The following PTPRM variants were observed in gnomAD, a reference collection of about 807,000 sequenced individuals.
PTPRM encodes the protein receptor-type tyrosine-protein phosphatase mu.
In PTPRM, 47 loss-of-function variants were observed where a neutral mutation model predicts 186.7. That is an observed-to-expected ratio of 0.25 (90% confidence interval 0.20 to 0.32). The LOEUF (loss-of-function observed/expected upper bound fraction) is 0.32, where lower values mean the gene tolerates loss of function less well. PTPRM is among the 10% of genes least tolerant of loss of function. The pLI is 1.00. For synonymous variants in PTPRM, 668 were observed against 674.9 expected, an observed-to-expected ratio of 0.99 and a Z score of 0.16; for missense variants, 1,494 against 1,865.0, an observed-to-expected ratio of 0.80 and a Z score of 3.66.
At position 8,076,454 on chromosome 18, in the gene PTPRM, G is replaced by A; in HGVS notation, c.1442-1G>A. The A allele has an allele frequency of 6.4e-7, 1 of 1,564,722 alleles. No homozygotes were observed. The highest frequency in any genetic ancestry group is 8.8e-7 in the Non-Finnish European group (1 of 1,140,092). On this transcript the variant is annotated splice_acceptor_variant, in intron 8 of 32. Coordinates refer to ENST00000580170, the MANE Select transcript of PTPRM (RefSeq NM_001105244.2). LOFTEE classifies it high-confidence loss of function. ...ATTTATTTCCTCCCACCCTCCTTTAGTCCCAGGTGCTGTTCCCACTGAATC... is the reference window on the plus strand; with the variant it reads ...ATTTATTTCCTCCCACCCTCCTTTAATCCCAGGTGCTGTTCCCACTGAATC...
chr18:7,944,451 A>G (rs1245999211), intron 5 of PTPRM, among the ~76,000 whole-genome samples: 3 of 152,222 alleles, frequency 2.0e-5, no homozygotes, highest in African/African-American at 7.2e-5. Flanking sequence ...CTGTACACAC[A>G]GAGGTGTTTG....
intron 8 of PTPRM, 82 bp downstream of exon 8, chr18:8,070,076 A>G: frequency 7.8e-7 from 1 of 1,284,404 alleles, no homozygotes. Flanking sequence ...TGCTGTGCAG[A>G]TGGAAGAAAG....
At chr18:8,019,675 G>A (rs1332295361) in intron 7 of PTPRM, among the ~76,000 whole-genome samples, 1 of 150,678 alleles carries the variant, frequency 6.6e-6, no homozygotes, top group Non-Finnish European at 1.5e-5. Context: ...AATTAAACAA[G>A]GAGGATTAGG....
chr18:8,294,278 C>CA (rs969249333), intron 19 of PTPRM, among the ~76,000 whole-genome samples: 1 of 152,060 alleles, frequency 6.6e-6, no homozygotes, highest in Admixed American at 6.6e-5. Context: ...AAGAAATACC[C>CA]AAAACCAGGT....
intron 19 of PTPRM, among the ~76,000 whole-genome samples, chr18:8,294,336 G>A (rs751199376): frequency 1.3e-5 from 2 of 152,178 alleles, no homozygotes; most frequent in African/African-American, 4.8e-5. Flanking sequence ...CCACAGGGCT[G>A]GGGAAGCCTC....
chr18:8,391,349 A>T (rs1388494653), intron 31 of PTPRM, among the ~76,000 whole-genome samples: 1 of 152,218 alleles, frequency 6.6e-6, no homozygotes, highest in Admixed American at 6.5e-5. Context: ...CAGCCCAAAC[A>T]TTCATCAGCT....
intron 7 of PTPRM, among the ~76,000 whole-genome samples, chr18:8,003,913 G>A (rs1436026786): frequency 6.6e-6 from 1 of 152,142 alleles, no homozygotes; most frequent in Non-Finnish European, 1.5e-5. Flanking sequence ...TCCTTTTCTT[G>A]GCCATAGAAG....
chr18:7,817,717 C>G (rs891919150), intron 2 of PTPRM, among the ~76,000 whole-genome samples: 1 of 152,148 alleles, frequency 6.6e-6, no homozygotes, highest in Non-Finnish European at 1.5e-5. Flanking sequence ...ATAGCATTAT[C>G]TCTGGTAGGA....
intron 19 of PTPRM, among the ~76,000 whole-genome samples, chr18:8,291,130 C>T (rs2095038422): frequency 6.6e-6 from 1 of 152,178 alleles, no homozygotes; most frequent in Non-Finnish European, 1.5e-5. Flanking sequence ...TTCCCTCAGC[C>T]ATCCCTCCTG....
intron 5 of PTPRM, among the ~76,000 whole-genome samples, chr18:7,938,373 G>A (rs2051960225): frequency 6.6e-6 from 1 of 152,138 alleles, no homozygotes; most frequent in Admixed American, 6.6e-5. Flanking sequence ...GACTAGCCTG[G>A]CCTTTTAGAT....
At chr18:8,228,978 C>T (rs1182800264) in intron 14 of PTPRM, among the ~76,000 whole-genome samples, 1 of 152,086 alleles carries the variant, frequency 6.6e-6, no homozygotes, top group Non-Finnish European at 1.5e-5. Flanking sequence ...ACCATAGGAT[C>T]AAGCCATGAA....
chr18:8,000,704 C>T (rs916667468), intron 7 of PTPRM, among the ~76,000 whole-genome samples: 5 of 152,194 alleles, frequency 3.3e-5, no homozygotes, highest in Non-Finnish European at 2.9e-5. Flanking sequence ...CATAGAGTTA[C>T]ACCTTATGGT....
At chr18:8,104,679 C>T (rs77986341) in intron 11 of PTPRM, among the ~76,000 whole-genome samples, 2,922 of 152,178 alleles carry the variant, frequency 0.019, 87 homozygotes, top group African/African-American at 0.066. Flanking sequence ...AACTCCTGGG[C>T]CCAAGCAGTC....
At position 8,343,660 on chromosome 18, in the gene PTPRM, G is replaced by A. The variant is rs939265150; in HGVS notation, c.3054+140G>A. 4.1e-5 allele frequency: 26 copies of A among 632,044 alleles called. No individual in the cohort carries two copies. The Admixed American group carries it at 5.6e-4, about 14-fold the overall frequency. 39.2% of individuals were successfully genotyped at this position (632,044 alleles called of 1,614,324 possible). The stretch of plus-strand genomic sequence containing the variant: ...ACTCCAGCTCCTCCTATTGCTTGCT[G>A]CACTTGCTTATAAATTATCAGTAAA... On this transcript the variant is annotated intron_variant, in intron 23 of 32. Coordinates refer to ENST00000580170, the MANE Select transcript of PTPRM (RefSeq NM_001105244.2).
At chr18:8,345,047 C>G (rs36032451) in intron 23 of PTPRM, among the ~76,000 whole-genome samples, 43,914 of 151,900 alleles carry the variant, frequency 0.29, 7,224 homozygotes, top group Middle Eastern at 0.51. Flanking sequence ...AAAGTAAACA[C>G]CTAATAAAAT....
At chr18:8,378,180 T>C in intron 26 of PTPRM, 85 bp from the exon 27 acceptor site, 1 of 1,382,178 alleles carries the variant, frequency 7.2e-7, no homozygotes, top group Non-Finnish European at 1.0e-6. Context: ...TCCACTCTCT[T>C]GATGATGTGG....
intron 17 of PTPRM, among the ~76,000 whole-genome samples, chr18:8,248,749 A>G (rs1255642882): frequency 1.3e-5 from 2 of 152,198 alleles, no homozygotes; most frequent in Admixed American, 1.3e-4. Context: ...TCTGTCACAC[A>G]GTGGAATTTC....
At chr18:7,896,636 G>A (rs1358945162) in intron 3 of PTPRM, among the ~76,000 whole-genome samples, 1 of 152,212 alleles carries the variant, frequency 6.6e-6, no homozygotes, top group African/African-American at 2.4e-5. Context: ...TGAGAGCCTT[G>A]TGGGTTCACG....
At chr18:8,064,894 G>C (rs62089523) in intron 7 of PTPRM, among the ~76,000 whole-genome samples, 142 of 152,304 alleles carry the variant, frequency 9.3e-4, no homozygotes, top group Non-Finnish European at 1.6e-3. Flanking sequence ...GGGAGCTATT[G>C]CTTTATTATT....
Sources: allele counts gnomAD v4.1 joint callset (sites outside exome capture counted in the v4.1 genomes callset), GRCh38; gene constraint gnomAD v4.1.1; transcripts MANE v1.5; gene names NCBI Gene and HGNC (gene_info 2026-07-23, HGNC 2026-07-21).